Variants in COBL observed in about 807,000 individuals in gnomAD.
The protein encoded by COBL is protein cordon-bleu.
COBL carries 51 observed loss-of-function variants against 98.8 expected under a neutral mutation model. The ratio of observed to expected loss-of-function variants is 0.52; its 90% confidence interval spans 0.41 to 0.65. COBL has a LOEUF of 0.65. Among genes scored for constraint, COBL ranks in the 30% least tolerant of loss-of-function variants. COBL has a pLI of 0.00. For synonymous variants in COBL, 634 were observed against 651.7 expected (o/e 0.97, Z 0.41); for missense variants, 1,617 against 1,617.5 (o/e 1.00, Z 0.01).
intron 7 of COBL, among the ~76,000 whole-genome samples, chr7:51,058,805 G>C (rs1177690794): frequency 2.0e-5 from 3 of 152,242 alleles, no homozygotes; most frequent in Non-Finnish European, 4.4e-5. Context: ...GAGCGAGTCT[G>C]ATTGCTGAGA....
intron 7 of COBL, among the ~76,000 whole-genome samples, chr7:51,055,246 C>G (rs942160199): frequency 6.6e-6 from 1 of 152,182 alleles, no homozygotes; most frequent in Non-Finnish European, 1.5e-5. Flanking sequence ...CTCGCAAAGC[C>G]CACGCTACTG....
chr7:51,301,383 C>T (rs1231433560), intron 1 of COBL, among the ~76,000 whole-genome samples: 2 of 152,198 alleles, frequency 1.3e-5, no homozygotes, highest in Non-Finnish European at 1.5e-5. Flanking sequence ...CACTCTGTGA[C>T]GGGGAACTGC....
chr7:51,246,936 A>T (rs1236172009), intron 1 of COBL, among the ~76,000 whole-genome samples: 1 of 152,222 alleles, frequency 6.6e-6, no homozygotes, highest in East Asian at 1.9e-4. Context: ...TGTCCCCACC[A>T]AGTCCTAAAC....
chr7:51,167,845 G>A (rs370575455), intron 5 of COBL, among the ~76,000 whole-genome samples: 1 of 151,970 alleles, frequency 6.6e-6, no homozygotes, highest in East Asian at 1.9e-4. Flanking sequence ...TTTAATAAAT[G>A]GTCTGGATAT....
At chr7:51,125,184 A>C (rs1259336530) in intron 6 of COBL, among the ~76,000 whole-genome samples, 1 of 152,302 alleles carries the variant, frequency 6.6e-6, no homozygotes, top group African/African-American at 2.4e-5. Flanking sequence ...GGGGCCTCTA[A>C]AGAAGTAACT....
At chr7:51,126,680 C>T (rs976476689) in intron 6 of COBL, among the ~76,000 whole-genome samples, 33 of 152,236 alleles carry the variant, frequency 2.2e-4, no homozygotes, top group African/African-American at 7.5e-4. Flanking sequence ...ATCTGGACGT[C>T]GTCAGAGACC....
intron 5 of COBL, among the ~76,000 whole-genome samples, chr7:51,171,695 TCTA>T (rs1200868481): frequency 1.8e-4 from 27 of 152,276 alleles, no homozygotes; most frequent in African/African-American, 6.5e-4. Context: ...AAAATATTCT[TCTA>T]CTTACAGTTT....
At chr7:51,252,038 C>T (rs1221263375) in intron 1 of COBL, among the ~76,000 whole-genome samples, 1 of 152,134 alleles carries the variant, frequency 6.6e-6, no homozygotes, top group African/African-American at 2.4e-5. Flanking sequence ...AATTCAAACA[C>T]AAACTTCCTC....
chr7:51,116,632 T>G (rs1042898746), intron 6 of COBL, among the ~76,000 whole-genome samples: 6 of 152,142 alleles, frequency 3.9e-5, no homozygotes, highest in Non-Finnish European at 7.4e-5. Context: ...TTTTTTATGT[T>G]TATCTAGCTA....
intron 7 of COBL, among the ~76,000 whole-genome samples, chr7:51,076,706 T>C (rs1264268961): frequency 2.0e-5 from 3 of 151,926 alleles, no homozygotes; most frequent in Non-Finnish European, 4.4e-5. Context: ...TAGTATCCCT[T>C]GTTGGGGGGG....
rs61220710 is a variant in COBL, at chr7:51,106,200, CAAAAAAAAAAA to C, written c.958-20907_958-20897del. ...GCCTGGGTGACAGAGCGAGATGTCT[CAAAAAAAAAAA>C]AAAAAAAAAATACATCCACCCCAGT... is the stretch of plus-strand genomic sequence containing the variant. On this transcript the variant is annotated intron_variant, in intron 6 of 12. Transcript: ENST00000265136. Among the ~76,000 whole-genome samples, 3 of 102,836 alleles carry C rather than the reference CAAAAAAAAAAA, an allele frequency of 2.9e-5. No individual in the cohort carries two copies. The South Asian group carries it at 1.0e-3, about 36-fold the overall frequency. 67.5% of individuals were successfully genotyped at this position (102,836 alleles called of 152,430 possible).
intron 8 of COBL, among the ~76,000 whole-genome samples, chr7:51,037,252 C>G (rs746352865): frequency 2.6e-5 from 4 of 152,168 alleles, no homozygotes; most frequent in Non-Finnish European, 5.9e-5. Context: ...CATAACAATA[C>G]CAGCAACAAT....
At chr7:51,267,232 C>T (rs997056826) in intron 1 of COBL, among the ~76,000 whole-genome samples, 1 of 152,158 alleles carries the variant, frequency 6.6e-6, no homozygotes, top group Non-Finnish European at 1.5e-5. Context: ...AAACCTGGTA[C>T]CCTTTCCCAA....
intron 1 of COBL, among the ~76,000 whole-genome samples, chr7:51,284,396 T>C (rs1417805901): frequency 1.3e-5 from 2 of 152,030 alleles, no homozygotes; most frequent in African/African-American, 4.8e-5. Flanking sequence ...GTTCATGTAA[T>C]TCACCATACT....
chr7:51,193,267 G>T, intron 3 of COBL, 112 bp downstream of exon 3: 2 of 915,060 alleles, frequency 2.2e-6, no homozygotes, highest in East Asian at 2.5e-5. Context: ...GAAAGTAGCA[G>T]CCTCAGCCAC....
intron 1 of COBL, among the ~76,000 whole-genome samples, chr7:51,294,356 G>A (rs990735674): frequency 4.7e-5 from 7 of 150,158 alleles, no homozygotes; most frequent in South Asian, 2.1e-4. Flanking sequence ...ATAAAAGGCA[G>A]GGCGCAGAGC....
chr7:51,293,881 C>T (rs989308112), intron 1 of COBL, among the ~76,000 whole-genome samples: 1 of 152,116 alleles, frequency 6.6e-6, no homozygotes, highest in Admixed American at 6.6e-5. Flanking sequence ...GGGTCACGCA[C>T]AGTGCTCCCA....
chr7:51,217,384 C>T (rs1315637581), intron 2 of COBL, among the ~76,000 whole-genome samples: 1 of 141,544 alleles, frequency 7.1e-6, no homozygotes, highest in Non-Finnish European at 1.5e-5. Context: ...TCTTGTTGCC[C>T]AGGCTGTAAT....
chr7:51,277,733 C>T (rs895287493), intron 1 of COBL, among the ~76,000 whole-genome samples: 5 of 152,124 alleles, frequency 3.3e-5, no homozygotes, highest in African/African-American at 9.7e-5. Context: ...GTAACAATGC[C>T]GCCCCTACAG....
Sources: allele counts gnomAD v4.1 joint callset (sites outside exome capture counted in the v4.1 genomes callset), GRCh38; gene constraint gnomAD v4.1.1; transcripts MANE v1.5; gene names NCBI Gene and HGNC (gene_info 2026-07-23, HGNC 2026-07-21).